DMD: variants seen among roughly 807,000 people sequenced by gnomAD.
DMD encodes the protein mutant dystrophin.
Under a neutral mutation model 330.1 loss-of-function variants are expected in DMD, and 63 were observed. The observed-to-expected ratio is 0.19, with a 90% CI of 0.16 to 0.24. The LOEUF (loss-of-function observed/expected upper bound fraction) is 0.24, where lower values mean the gene tolerates loss of function less well. Ranked by LOEUF, DMD falls within the 10% of genes least tolerant of loss-of-function variation. The pLI is 1.00. For missense variants in DMD, 3,344 were observed against 2,684.1 expected, an observed-to-expected ratio of 1.25 and a Z score of -5.43; for synonymous variants, 1,223 against 959.8, an observed-to-expected ratio of 1.27 and a Z score of -5.07.
In DMD at chrX:31,767,821, T is replaced by A. The variant is rs1331477527; in HGVS notation, c.7542+6139A>T. ...AAATGCTTTTTGTGTATAGACAGAG[T>A]TTTAAAAAATCATAATTTTTAAGTA... On this transcript the variant is annotated intron_variant, in intron 51 of 78. Transcript: ENST00000357033. Among the ~76,000 whole-genome samples, 4 of 111,699 alleles carry A rather than the reference T, an allele frequency of 3.6e-5. No individual in the cohort carries two copies. The East Asian group carries it at 8.4e-4, about 23-fold the overall frequency.
chrX:33,094,944 G>GA (rs924904792), intron 1 of DMD, among the ~76,000 whole-genome samples: 11 of 111,272 alleles, frequency 9.9e-5, no homozygotes, highest in African/African-American at 1.6e-4. Flanking sequence ...TATTTGAAAG[G>GA]AAAAAATCAT....
At chrX:32,912,084 G>A (rs1458484572) in intron 2 of DMD, among the ~76,000 whole-genome samples, 1 of 106,904 alleles carries the variant, frequency 9.4e-6, no homozygotes, top group East Asian at 3.0e-4. Flanking sequence ...AGGAGGAAGA[G>A]GAGAAGGAAT....
intron 28 of DMD, among the ~76,000 whole-genome samples, chrX:32,439,310 A>T (rs1249657833): frequency 1.8e-5 from 2 of 111,148 alleles, no homozygotes; most frequent in East Asian, 5.7e-4. Context: ...TGTCCTATTA[A>T]GTTTCAAGAA....
intron 38 of DMD, among the ~76,000 whole-genome samples, chrX:32,347,233 T>G (rs1225767188): frequency 9.0e-6 from 1 of 111,674 alleles, no homozygotes; most frequent in African/African-American, 3.3e-5. Flanking sequence ...TAAAAGACTT[T>G]ACTTATTTTA....
chrX:32,245,844 A>C (rs1255773565), intron 43 of DMD, among the ~76,000 whole-genome samples: 1 of 101,346 alleles, frequency 9.9e-6, no homozygotes, highest in African/African-American at 3.7e-5. Context: ...GTTGCTTATC[A>C]GCTTAAGGAG....
At chrX:31,975,052 G>GA (rs2095426090) in intron 44 of DMD, among the ~76,000 whole-genome samples, 1 of 109,935 alleles carries the variant, frequency 9.1e-6, no homozygotes, top group Non-Finnish European at 1.9e-5. Flanking sequence ...GGGCCAAAAA[G>GA]AAAAAATCAC....
intron 2 of DMD, among the ~76,000 whole-genome samples, chrX:32,883,007 G>C (rs1260609129): frequency 8.9e-6 from 1 of 112,160 alleles, no homozygotes; most frequent in East Asian, 2.8e-4. Context: ...GCTTTCTGCA[G>C]TATGTCTTAA....
chrX:33,113,634 AGC>A lies in DMD; in HGVS notation c.32-93436_32-93435del, dbSNP rs2095358463. On this transcript the variant is annotated intron_variant, in intron 1 of 78. Transcript: ENST00000357033. Reference sequence around the variant, plus strand: ...TCTTCTAGCAACTGTTGTAACACAGAGCCATTATAATGTAATTAGACAGACTA... The same window carrying A: ...TCTTCTAGCAACTGTTGTAACACAGACATTATAATGTAATTAGACAGACTA... Among the ~76,000 whole-genome samples, 3 of 105,733 alleles carry A rather than the reference AGC, an allele frequency of 2.8e-5. No individual in the cohort carries two copies. The Admixed American group carries it at 3.0e-4, about 11-fold the overall frequency. The allele number at this position is 105,733 out of a possible 115,157, so 91.8% of individuals were successfully genotyped here.
At chrX:31,421,858 A>ACTCT (rs56157177) in intron 60 of DMD, among the ~76,000 whole-genome samples, 24 of 77,328 alleles carry the variant, frequency 3.1e-4, no homozygotes, top group Middle Eastern at 7.9e-3. Flanking sequence ...CTCCCTGCTT[A>ACTCT]CTCTCTCTCT....
At chrX:32,815,520 T>TATATATACACAC in intron 6 of DMD, among the ~76,000 whole-genome samples, 1,234 of 78,820 alleles carry the variant, frequency 0.016, 14 homozygotes, top group Non-Finnish European at 0.019. Context: ...TATATATATA[T>TATATATACACAC]ACACACACAC....
intron 1 of DMD, among the ~76,000 whole-genome samples, chrX:33,252,367 C>T (rs190073119): frequency 9.0e-6 from 1 of 111,418 alleles, no homozygotes; most frequent in Admixed American, 9.6e-5. Flanking sequence ...CTTCCTTTAG[C>T]TTAAGTTGCC....
intron 6 of DMD, among the ~76,000 whole-genome samples, chrX:32,816,073 A>G (rs898825072): frequency 1.8e-5 from 2 of 111,117 alleles, no homozygotes; most frequent in African/African-American, 6.5e-5. Context: ...AACTACTCAC[A>G]TGAGATCTAG....
At chrX:33,125,316 G>A (rs1316191482) in intron 1 of DMD, among the ~76,000 whole-genome samples, 1 of 110,917 alleles carries the variant, frequency 9.0e-6, no homozygotes, top group African/African-American at 3.3e-5. Flanking sequence ...GCATGTGATA[G>A]GTAGGACTGG....
intron 47 of DMD, among the ~76,000 whole-genome samples, chrX:31,910,271 C>T (rs949636605): frequency 1.8e-5 from 2 of 109,726 alleles, no homozygotes; most frequent in Non-Finnish European, 3.9e-5. Context: ...TGTATTAATC[C>T]TTTAGTATGT....
chrX:31,410,802 G>A (rs189043443), intron 60 of DMD, among the ~76,000 whole-genome samples: 1,462 of 108,959 alleles, frequency 0.013, 24 homozygotes, highest in African/African-American at 0.042. Flanking sequence ...GAAGTGGTGC[G>A]ATCTCGGCTC....
In DMD at chrX:32,695,158, G is replaced by A. The variant is rs370045449; in HGVS notation, c.960+2712C>T. On this transcript the variant is annotated intron_variant, in intron 9 of 78. Transcript: ENST00000357033. ...GAATACTGCTCTATGTGTGCGTAAC[G>A]CAATATATAAGAATCACCGTCGAGA... is the stretch of plus-strand genomic sequence containing the variant. Among the ~76,000 whole-genome samples the A allele has an allele frequency of 7.1e-5, 8 of 112,168 alleles. No individual in the cohort carries two copies. In the East Asian group the frequency reaches 1.1e-3, roughly 16 times the overall value.
At chrX:32,816,060 T>A (rs1008601772) in intron 6 of DMD, among the ~76,000 whole-genome samples, 2 of 111,406 alleles carry the variant, frequency 1.8e-5, no homozygotes, top group Admixed American at 1.9e-4. Context: ...TTAATTTAAC[T>A]ACAACTACTC....
chrX:32,525,243 T>A (rs1403844320), intron 17 of DMD, among the ~76,000 whole-genome samples: 1 of 112,013 alleles, frequency 8.9e-6, no homozygotes, highest in African/African-American at 3.2e-5. Flanking sequence ...TGTCCACACA[T>A]AATGTGCAGT....
At chrX:31,480,528 T>C (rs976690577) in intron 57 of DMD, among the ~76,000 whole-genome samples, 2 of 107,356 alleles carry the variant, frequency 1.9e-5, no homozygotes, top group African/African-American at 3.4e-5. Flanking sequence ...CTGATTCTCC[T>C]GATATTTCAC....
Sources: gnomAD v4.1 joint callset for allele counts (sites outside exome capture counted in the v4.1 genomes callset) on GRCh38, gnomAD v4.1.1 for gene constraint, MANE v1.5 for transcripts, NCBI Gene and HGNC (gene_info 2026-07-23, HGNC 2026-07-21) for gene names.